HIBADH: variants seen among roughly 807,000 people sequenced by gnomAD.
HIBADH encodes 3-hydroxyisobutyrate dehydrogenase.
In HIBADH, 25 loss-of-function variants were observed where a neutral mutation model predicts 36.1. The observed-to-expected ratio is 0.69, with a 90% CI of 0.50 to 0.97. HIBADH has a LOEUF of 0.97. Among genes scored for constraint, HIBADH ranks in the 50% least tolerant of loss-of-function variants. The pLI is 0.00. For missense variants in HIBADH, 421 were observed against 418.0 expected (o/e 1.01, Z -0.06); for synonymous variants, 160 against 149.5 (o/e 1.07, Z -0.51).
At chr7:27,646,445 T>C (rs1562657765) in intron 2 of HIBADH, among the ~76,000 whole-genome samples, 1 of 152,198 alleles carries the variant, frequency 6.6e-6, no homozygotes, top group Non-Finnish European at 1.5e-5. Context: ...GAGGTATACA[T>C]TCCAAGACTC....
intron 4 of HIBADH, among the ~76,000 whole-genome samples, chr7:27,591,053 G>A (rs1784931939): frequency 6.6e-6 from 1 of 152,040 alleles, no homozygotes; most frequent in Non-Finnish European, 1.5e-5. Flanking sequence ...GGTATCAAAT[G>A]GTCTCATCTA....
At chr7:27,537,281 C>T (rs1784083211) in intron 6 of HIBADH, among the ~76,000 whole-genome samples, 2 of 152,104 alleles carry the variant, frequency 1.3e-5, no homozygotes, top group South Asian at 4.2e-4. Context: ...TCTTTTATCT[C>T]AATTACAACA....
chr7:27,619,966 A>G (rs1785508532), intron 4 of HIBADH, among the ~76,000 whole-genome samples: 1 of 152,200 alleles, frequency 6.6e-6, no homozygotes, highest in Non-Finnish European at 1.5e-5. Flanking sequence ...AGGTTCACCA[A>G]TTCCCAGAAA....
chr7:27,649,029 G>A (rs184111360), intron 2 of HIBADH, among the ~76,000 whole-genome samples: 65 of 152,312 alleles, frequency 4.3e-4, no homozygotes, highest in Non-Finnish European at 1.3e-4. Flanking sequence ...CAGCAGAAGT[G>A]ATGTAACTTG....
At chr7:27,579,320 G>A (rs1784757984) in intron 4 of HIBADH, among the ~76,000 whole-genome samples, 1 of 152,058 alleles carries the variant, frequency 6.6e-6, no homozygotes, top group African/African-American at 2.4e-5. Flanking sequence ...GGGCTGAAGG[G>A]GGCAAGAGAG....
intron 6 of HIBADH, among the ~76,000 whole-genome samples, chr7:27,537,409 A>G (rs1443938462): frequency 6.6e-6 from 1 of 152,154 alleles, no homozygotes; most frequent in Non-Finnish European, 1.5e-5. Flanking sequence ...GTTTTCAAAA[A>G]TATCTCAAGT....
At chr7:27,591,234 C>CTGAGG (rs1318239030) in intron 4 of HIBADH, among the ~76,000 whole-genome samples, 1 of 152,098 alleles carries the variant, frequency 6.6e-6, no homozygotes, top group Admixed American at 6.5e-5. Flanking sequence ...TGGTGAGGAC[C>CTGAGG]TGAGCCCTCT....
At chr7:27,586,795 C>T (rs1784871521) in intron 4 of HIBADH, among the ~76,000 whole-genome samples, 1 of 152,206 alleles carries the variant, frequency 6.6e-6, no homozygotes, top group African/African-American at 2.4e-5. Context: ...TTCAGCTTAA[C>T]AACCCTCACT....
Position 27,525,924 on chromosome 7 carries a change from GAAGTATTCAATGATTT to G in HIBADH, c.*274_*289del, listed in dbSNP as rs1439208403. On this transcript the variant is annotated 3_prime_UTR_variant, in exon 8 of 8. Transcript: ENST00000265395. The stretch of plus-strand genomic sequence containing the variant: ...AAGTAAAGCAGATAATATCCTGATT[GAAGTATTCAATGATTT>G]AGTTGAGGATGCTTGGGGATCAAAC... 1 of 195,300 alleles carries G rather than the reference GAAGTATTCAATGATTT, an allele frequency of 5.1e-6. No homozygotes were observed. Among genetic ancestry groups the G allele is most frequent in the East Asian group, 1.2e-4 (1 of 8,518 alleles). 12.1% of individuals were successfully genotyped at this position (195,300 alleles called of 1,614,324 possible). A position where few individuals can be genotyped will look rare whatever the true frequency, so the allele number is the denominator to read the frequency against.
intron 4 of HIBADH, among the ~76,000 whole-genome samples, chr7:27,610,153 C>T (rs1785300022): frequency 6.6e-6 from 1 of 152,112 alleles, no homozygotes; most frequent in South Asian, 2.1e-4. Context: ...AGTACTATAA[C>T]TCTTTAAAGA....
At chr7:27,629,924 A>G (rs1018339835) in intron 3 of HIBADH, among the ~76,000 whole-genome samples, 2 of 149,614 alleles carry the variant, frequency 1.3e-5, no homozygotes, top group Non-Finnish European at 3.0e-5. Context: ...GCCATACTGC[A>G]AATTTCATAT....
At chr7:27,585,874 T>G (rs1337263949) in intron 4 of HIBADH, among the ~76,000 whole-genome samples, 1 of 152,222 alleles carries the variant, frequency 6.6e-6, no homozygotes, top group Non-Finnish European at 1.5e-5. Flanking sequence ...GAAAATGTTA[T>G]AAGATGGCAA....
In HIBADH at chr7:27,621,546, C is replaced by A. The variant is rs1012900839; in HGVS notation, c.484+7825G>T. The stretch of plus-strand genomic sequence containing the variant: ...GTGGCTCACACCTGTAATCCCAGCA[C>A]CTTGGGAGGCCAAGGCAGGCAGATC... On this transcript the variant is annotated intron_variant, in intron 4 of 7. Coordinates refer to ENST00000265395, the MANE Select transcript of HIBADH (RefSeq NM_152740.4). Among the ~76,000 whole-genome samples the A allele has an allele frequency of 4.6e-5, 7 of 152,184 alleles. 1 individual carries two copies. Among genetic ancestry groups the A allele is most frequent in the East Asian group, 3.9e-4 (2 of 5,192 alleles).
At chr7:27,639,411 G>A (rs1785918906) in intron 2 of HIBADH, among the ~76,000 whole-genome samples, 1 of 151,980 alleles carries the variant, frequency 6.6e-6, no homozygotes, top group African/African-American at 2.4e-5. Context: ...CACAAAGAAA[G>A]GAACAACAGA....
rs59360258 is a variant in HIBADH at position 27,567,755 on chromosome 7, A to T, written c.485-24655T>A. On this transcript the variant is annotated intron_variant, in intron 4 of 7. Transcript: ENST00000265395. ...TTACCACATCAAGTGAAATGTAGAA[A>T]ATTTACTATTACTGCCTTTAATATT... 9.4e-3 allele frequency among the ~76,000 whole-genome samples: 1,439 copies of T among 152,326 alleles called. 24 individuals carry two copies. The highest frequency in any genetic ancestry group is 0.033 in the African/African-American group (1,356 of 41,560).
chr7:27,558,403 C>T (rs183817626), intron 4 of HIBADH, among the ~76,000 whole-genome samples: 37 of 152,282 alleles, frequency 2.4e-4, no homozygotes, highest in Admixed American at 6.5e-4. Context: ...TCTCGACTCA[C>T]TGCAACCTCC....
chr7:27,646,319 T>C (rs192259186), intron 2 of HIBADH, among the ~76,000 whole-genome samples: 1 of 152,202 alleles, frequency 6.6e-6, no homozygotes, highest in African/African-American at 2.4e-5. Context: ...ATACACACAC[T>C]CAAAAATGTC....
At chr7:27,576,669 A>T (rs1240613597) in intron 4 of HIBADH, among the ~76,000 whole-genome samples, 1 of 152,166 alleles carries the variant, frequency 6.6e-6, no homozygotes, top group East Asian at 1.9e-4. Context: ...TTATAAAGGG[A>T]AATATTCCTT....
intron 4 of HIBADH, among the ~76,000 whole-genome samples, chr7:27,572,165 AT>A (rs1269190106): frequency 6.6e-6 from 1 of 152,112 alleles, no homozygotes; most frequent in East Asian, 1.9e-4. Context: ...TGGAATCAGC[AT>A]TTGCTTCCAG....
Sources: allele counts gnomAD v4.1 joint callset (sites outside exome capture counted in the v4.1 genomes callset), GRCh38; gene constraint gnomAD v4.1.1; transcripts MANE v1.5; gene names NCBI Gene and HGNC (gene_info 2026-07-23, HGNC 2026-07-21).